The following PCLO variants were observed in gnomAD, a reference collection of about 807,000 sequenced individuals.
PCLO encodes the protein piccolo presynaptic cytomatrix protein, also known as protein piccolo.
In PCLO, 82 loss-of-function variants were observed where a neutral mutation model predicts 427.5. The ratio of observed to expected loss-of-function variants is 0.19; its 90% confidence interval spans 0.16 to 0.23. PCLO has a LOEUF of 0.23. PCLO is among the 10% of genes least tolerant of loss of function. The probability of loss-of-function intolerance (pLI) is 1.00; values close to 1 mark genes in which losing one functional copy is unlikely to be tolerated. For synonymous variants in PCLO, 2,357 were observed against 2,155.4 expected, an observed-to-expected ratio of 1.09 and a Z score of -2.59; for missense variants, 6,239 against 6,115.9, an observed-to-expected ratio of 1.02 and a Z score of -0.67.
chr7:82,846,637 A>T lies in PCLO; in HGVS notation c.13764-3T>A, dbSNP rs1792510310. On this transcript the variant is annotated splice_polypyrimidine_tract_variant and splice_region_variant and intron_variant, in intron 11 of 24. Coordinates refer to ENST00000333891, the MANE Select transcript of PCLO (RefSeq NM_033026.6). ...AATCTGATAGCATATTGAGGTCCCTAAAAATTAAAACAAAACATTAAGAAA... is the reference window on the plus strand; with the variant it reads ...AATCTGATAGCATATTGAGGTCCCTTAAAATTAAAACAAAACATTAAGAAA... 4 of 1,584,292 alleles carry T rather than the reference A, an allele frequency of 2.5e-6. No homozygotes were observed. Among genetic ancestry groups the T allele is most frequent in the East Asian group, 2.2e-5 (1 of 44,538 alleles).
intron 20 of PCLO, among the ~76,000 whole-genome samples, chr7:82,809,007 C>A (rs1025143134): frequency 6.6e-6 from 1 of 151,860 alleles, no homozygotes; most frequent in African/African-American, 2.4e-5. Context: ...TTTAATATAT[C>A]TTTTCCAGAT....
chr7:82,991,217 T>C (rs1796369458), intron 3 of PCLO, among the ~76,000 whole-genome samples: 1 of 151,528 alleles, frequency 6.6e-6, no homozygotes, highest in African/African-American at 2.4e-5. Flanking sequence ...TCTATCTGTC[T>C]ATCTATCTAT....
intron 10 of PCLO, among the ~76,000 whole-genome samples, chr7:82,855,404 C>A (rs1232709850): frequency 6.6e-6 from 1 of 152,104 alleles, no homozygotes; most frequent in Admixed American, 6.6e-5. Context: ...AATAAAAAAA[C>A]TAATTCAACT....
intron 22 of PCLO, among the ~76,000 whole-genome samples, chr7:82,768,948 T>C (rs1790589462): frequency 6.6e-6 from 1 of 152,140 alleles, no homozygotes; most frequent in Non-Finnish European, 1.5e-5. Flanking sequence ...AAGAAATAGA[T>C]TGGTATAATT....
At chr7:83,033,768 A>G (rs1281405781) in intron 3 of PCLO, among the ~76,000 whole-genome samples, 1 of 151,848 alleles carries the variant, frequency 6.6e-6, no homozygotes. Context: ...ACTACTCTTT[A>G]TCTCCTGTAT....
intron 3 of PCLO, among the ~76,000 whole-genome samples, chr7:83,090,752 T>G (rs1790357136): frequency 6.6e-6 from 1 of 152,038 alleles, no homozygotes; most frequent in Non-Finnish European, 1.5e-5. Context: ...TTAAATTACA[T>G]TTTTTTGATA....
intron 6 of PCLO, among the ~76,000 whole-genome samples, chr7:82,917,180 C>A (rs1316748378): frequency 6.6e-6 from 1 of 152,042 alleles, no homozygotes; most frequent in Non-Finnish European, 1.5e-5. Flanking sequence ...TATTAACCAT[C>A]TAAAATTTAA....
At chr7:82,941,288 C>T (rs955716369) in intron 6 of PCLO, among the ~76,000 whole-genome samples, 1 of 151,802 alleles carries the variant, frequency 6.6e-6, no homozygotes, top group African/African-American at 2.4e-5. Context: ...CTATAGTCAC[C>T]TACTATGTAC....
chr7:83,025,293 A>G (rs1227246414), intron 3 of PCLO, among the ~76,000 whole-genome samples: 5 of 151,730 alleles, frequency 3.3e-5, no homozygotes. Context: ...AGGCTCGAGA[A>G]CTACGTGAAG....
intron 22 of PCLO, among the ~76,000 whole-genome samples, chr7:82,785,223 A>G (rs1332510969): frequency 6.6e-6 from 1 of 152,084 alleles, no homozygotes; most frequent in Non-Finnish European, 1.5e-5. Flanking sequence ...TTCATCTCAG[A>G]TCATCAGGCA....
Position 83,162,387 on chromosome 7 carries a change from C to T in PCLO, c.206G>A (p.Gly69Glu). 1 of 1,599,844 alleles carries T rather than the reference C, an allele frequency of 6.3e-7. No individual in the cohort carries two copies. The highest frequency in any genetic ancestry group is 2.3e-5 in the East Asian group (1 of 44,346). ...VMSRAQGLPK[G>E]SVPPAAAESP... is the part of the protein sequence containing the mutation. ...CTCCGCAGCGGCCGGGGGGACGCTT[C>T]CCTTGGGCAGCCCCTGCGCCCTTGA... The change falls in exon 1 of 25, where the codon GGA (glycine) becomes GAA (glutamate). Residue 69 changes from glycine (G) to glutamate (E), a missense_variant. Gly to Glu is a moderately conservative substitution (Grantham distance 98). Coordinates refer to ENST00000333891, the MANE Select transcript of PCLO (RefSeq NM_033026.6).
intron 10 of PCLO, among the ~76,000 whole-genome samples, chr7:82,878,119 T>C (rs1290642645): frequency 3.9e-5 from 6 of 152,220 alleles, no homozygotes; most frequent in Non-Finnish European, 8.8e-5. Context: ...GCTGCCACTA[T>C]AGCCAATTCA....
In PCLO at chr7:83,135,267, C is replaced by T. The variant is rs1791693596; in HGVS notation, c.2283G>A (p.Lys761=). 2 of 1,613,686 alleles carry T rather than the reference C, an allele frequency of 1.2e-6. No individual in the cohort carries two copies. Among genetic ancestry groups the T allele is most frequent in the Non-Finnish European group, 1.7e-6 (2 of 1,179,876 alleles). The change falls in exon 3 of 25, where the codon AAG becomes AAA. Residue 761 remains lysine, a synonymous_variant. Coordinates refer to ENST00000333891, the MANE Select transcript of PCLO (RefSeq NM_033026.6). ...ATGAAGATACAAGGTCAGTGGTTGG[C>T]TTTACCATCTTGGGCTGCTTTGGTT... The part of the protein sequence containing the change: ...DDKPKQPKMV[K]PTTDLVSSSS...
At chr7:82,769,685 G>T (rs1193169612) in intron 22 of PCLO, among the ~76,000 whole-genome samples, 1 of 152,126 alleles carries the variant, frequency 6.6e-6, no homozygotes, top group Non-Finnish European at 1.5e-5. Context: ...AAAAAAAGCA[G>T]AGTGAACAAA....
In PCLO at chr7:82,915,285, G is replaced by T. The variant is rs1374978628; in HGVS notation, c.12701C>A (p.Ala4234Glu). The T allele has an allele frequency of 1.2e-6, 2 of 1,613,626 alleles. No homozygotes were observed. The highest frequency in any genetic ancestry group is 2.2e-5 in the South Asian group (2 of 91,082). The change falls in exon 7 of 25, where the codon GCA becomes GAA. Residue 4234 changes from alanine to glutamate, a missense_variant. Coordinates refer to ENST00000333891, the MANE Select transcript of PCLO (RefSeq NM_033026.6). ...AGTGATGTCATCTTGAAGGAGCCTT[G>T]CCCTGGAGGAAATGCCACCAATAGA... ...TSSIGGISSR[A>E]RLLQDDITFG...
intron 22 of PCLO, among the ~76,000 whole-genome samples, chr7:82,791,617 A>G (rs1791102881): frequency 6.6e-6 from 1 of 152,184 alleles, no homozygotes; most frequent in Admixed American, 6.5e-5. Flanking sequence ...TTAATAAACA[A>G]GCTGTGTTGT....
chr7:82,900,510 T>C, intron 9 of PCLO, among the ~76,000 whole-genome samples: 1 of 150,490 alleles, frequency 6.6e-6, no homozygotes, highest in East Asian at 2.0e-4. Flanking sequence ...TTTCATTAAC[T>C]TGGAAAAATT....
chr7:83,140,557 T>G (rs886285715), intron 2 of PCLO, among the ~76,000 whole-genome samples: 9 of 152,196 alleles, frequency 5.9e-5, no homozygotes, highest in African/African-American at 2.2e-4. Flanking sequence ...TCAGTTATGT[T>G]CACAAACATT....
intron 20 of PCLO, chr7:82,820,981 G>A: frequency 6.5e-6 from 8 of 1,227,260 alleles, no homozygotes; most frequent in Non-Finnish European, 8.1e-6. Flanking sequence ...GTCCTGAAAT[G>A]CCATGCCCAC....
Sources: allele counts gnomAD v4.1 joint callset (sites outside exome capture counted in the v4.1 genomes callset), GRCh38; gene constraint gnomAD v4.1.1; transcripts MANE v1.5; gene names NCBI Gene and HGNC (gene_info 2026-07-23, HGNC 2026-07-21).